CCDC77: variants seen among roughly 807,000 people sequenced by gnomAD.
The protein encoded by CCDC77 is coiled-coil domain-containing protein 77.
In CCDC77, 56 loss-of-function variants were observed where a neutral mutation model predicts 66.8. The observed-to-expected ratio is 0.84, with a 90% CI of 0.68 to 1.05. The LOEUF (loss-of-function observed/expected upper bound fraction) is 1.05, where lower values mean the gene tolerates loss of function less well. Among genes scored for constraint, CCDC77 ranks in the 50% least tolerant of loss-of-function variants. CCDC77 has a pLI of 0.00. For missense variants in CCDC77, 570 were observed against 576.8 expected (o/e 0.99, Z 0.12); for synonymous variants, 196 against 195.2 (o/e 1.00, Z -0.03).
chr12:401,391 C>T (rs1447905732), upstream of CCDC77, among the ~76,000 whole-genome samples: 1 of 152,262 alleles, frequency 6.6e-6, no homozygotes, highest in African/African-American at 2.4e-5. Context: ...AAACGTCACA[C>T]TACCCGTCCC....
In CCDC77 at chr12:411,886, G is replaced by A; in HGVS notation, c.178G>A (p.Glu60Lys). 1 of 1,614,012 alleles carries A rather than the reference G, an allele frequency of 6.2e-7. No individual in the cohort carries two copies. Among genetic ancestry groups the A allele is most frequent in the Non-Finnish European group, 8.5e-7 (1 of 1,180,008 alleles). ...ACTCCATCCTTCTAAGGAGCTCCTG[G>A]AATATTATCAAAAGAAGATGGCTGA... Reference protein sequence around the residue: ...AKLHPSKELLEYYQKKMAECE... With the variant: ...AKLHPSKELLKYYQKKMAECE... The change falls in exon 4 of 13, where the codon GAA becomes AAA. Residue 60 changes from glutamate to lysine, a missense_variant. Glu to Lys is a moderately conservative substitution (Grantham distance 56). Coordinates refer to ENST00000239830, the MANE Select transcript of CCDC77 (RefSeq NM_032358.4).
chr12:434,436 G>A (rs756398558), intron 9 of CCDC77, among the ~76,000 whole-genome samples: 4 of 148,682 alleles, frequency 2.7e-5, no homozygotes, highest in Admixed American at 6.8e-5. Flanking sequence ...CCCTGCAACC[G>A]CTGCCTCCCA....
intron 5 of CCDC77, among the ~76,000 whole-genome samples, chr12:424,155 G>A (rs1024988119): frequency 6.6e-6 from 1 of 151,992 alleles, no homozygotes; most frequent in Non-Finnish European, 1.5e-5. Flanking sequence ...ATTTTTGGTA[G>A]AGTCAGAGTT....
intron 1 of CCDC77, among the ~76,000 whole-genome samples, chr12:402,451 C>G (rs1408411614): frequency 5.9e-5 from 9 of 152,144 alleles, no homozygotes; most frequent in Admixed American, 5.9e-4. Flanking sequence ...CATGTACAGA[C>G]TAGATTTTGT....
chr12:431,747 C>T, intron 7 of CCDC77, 119 bp from the exon 8 acceptor site: 1 of 627,082 alleles, frequency 1.6e-6, no homozygotes, highest in South Asian at 2.1e-5. Flanking sequence ...GTGAGAACCC[C>T]TTCATTACCC....
At chr12:431,623 A>T (rs1330462590) in intron 7 of CCDC77, among the ~76,000 whole-genome samples, 1 of 152,216 alleles carries the variant, frequency 6.6e-6, no homozygotes, top group South Asian at 2.1e-4. Context: ...CTGCCAGAAG[A>T]TGAATATGAT....
intron 6 of CCDC77, 28 bp from the exon 7 acceptor site, chr12:430,636 A>T: frequency 1.3e-6 from 2 of 1,544,934 alleles, no homozygotes; most frequent in Non-Finnish European, 1.8e-6. Flanking sequence ...TAGGAAGGCT[A>T]CTTCAATACC....
At position 441,928 on chromosome 12, in the gene CCDC77, T is replaced by G. The variant is rs777279948; in HGVS notation, c.*8T>G. On this transcript the variant is annotated 3_prime_UTR_variant, in exon 13 of 13. Transcript: ENST00000239830. ...GAACTTAGACTCTGTTAATGTCTAC[T>G]TTTGGAAATGGCCCCCATTTAGAAG... 1.2e-6 allele frequency: 2 copies of G among 1,613,862 alleles called. No homozygotes were observed. Among genetic ancestry groups the G allele is most frequent in the South Asian group, 2.2e-5 (2 of 91,028 alleles).
intron 12 of CCDC77, among the ~76,000 whole-genome samples, chr12:441,519 C>T (rs538065616): frequency 6.6e-6 from 1 of 152,308 alleles, no homozygotes; most frequent in African/African-American, 2.4e-5. Flanking sequence ...ATCCTGGCCT[C>T]TCTTACTCCT....
At chr12:393,012 C>G (rs952779199) in intron 1 of CCDC77, among the ~76,000 whole-genome samples, 1 of 67,260 alleles carries the variant, frequency 1.5e-5, no homozygotes, top group Non-Finnish European at 3.5e-5. Flanking sequence ...ATTATCATAT[C>G]TGTTTCTCCA....
intron 5 of CCDC77, among the ~76,000 whole-genome samples, chr12:419,577 CTGTG>C (rs1327930812): frequency 9.9e-5 from 9 of 90,768 alleles, no homozygotes; most frequent in Non-Finnish European, 1.9e-4. Context: ...CAGTGCTCTT[CTGTG>C]TGTGTGTGCT....
chr12:399,791 A>G (rs1196057218), upstream of CCDC77, among the ~76,000 whole-genome samples: 2 of 152,236 alleles, frequency 1.3e-5, no homozygotes. Context: ...TATATCTAAC[A>G]TAATTCTTAA....
In CCDC77 at chr12:430,662, A is replaced by G. The variant is rs1945632749; in HGVS notation, c.511-2A>G. On this transcript the variant is annotated splice_acceptor_variant, in intron 6 of 12. Transcript: ENST00000239830. LOFTEE classifies it high-confidence loss of function. Reference sequence around the variant, plus strand: ...CTTCAATACCAGTTTTTGCTTCTTCAGGTCACCATTCTCCAAAAGACTATC... The same window carrying G: ...CTTCAATACCAGTTTTTGCTTCTTCGGGTCACCATTCTCCAAAAGACTATC... The G allele has an allele frequency of 1.2e-6, 2 of 1,612,482 alleles. No homozygotes were observed. The highest frequency in any genetic ancestry group is 1.7e-5 in the Admixed American group (1 of 60,004).
At chr12:439,247 C>T (rs958416796) in intron 10 of CCDC77, among the ~76,000 whole-genome samples, 1 of 152,018 alleles carries the variant, frequency 6.6e-6, no homozygotes, top group East Asian at 1.9e-4. Context: ...AGGCCAGACG[C>T]GATGGCTCAC....
chr12:412,652 T>C (rs2137551943), intron 4 of CCDC77, among the ~76,000 whole-genome samples: 1 of 152,334 alleles, frequency 6.6e-6, no homozygotes, highest in Non-Finnish European at 1.5e-5. Context: ...AATGGGTGTA[T>C]GGATGTGCAG....
intron 1 of CCDC77, among the ~76,000 whole-genome samples, chr12:403,232 TAAAG>T (rs939334106): frequency 2.0e-5 from 3 of 152,202 alleles, no homozygotes; most frequent in African/African-American, 7.2e-5. Flanking sequence ...GAGGAAATGA[TAAAG>T]AAACTTGAAG....
intron 5 of CCDC77, among the ~76,000 whole-genome samples, chr12:422,071 GC>G (rs1565571467): frequency 3.7e-4 from 8 of 21,580 alleles, no homozygotes; most frequent in African/African-American, 1.1e-3. Flanking sequence ...CACCCTCCAT[GC>G]TCCATTACAG....
chr12:417,196 C>T (rs1426432972), intron 4 of CCDC77, among the ~76,000 whole-genome samples: 1 of 149,964 alleles, frequency 6.7e-6, no homozygotes, highest in Non-Finnish European at 1.5e-5. Context: ...TGTAGTTTTT[C>T]TTTTTGTAAC....
chr12:430,741 C>T lies in CCDC77; in HGVS notation c.583+5C>T. On this transcript the variant is annotated splice_donor_5th_base_variant and intron_variant, in intron 7 of 12. Transcript: ENST00000239830. ...AATCTTCAGCTTTCAAAGCAGGTAA[C>T]AACCATATAACCTATTAGAAATTCT... 6.2e-7 allele frequency: 1 copy of T among 1,603,370 alleles called. No individual in the cohort carries two copies. The highest frequency in any genetic ancestry group is 1.1e-5 in the South Asian group (1 of 90,844).
Sources: allele counts gnomAD v4.1 joint callset (sites outside exome capture counted in the v4.1 genomes callset), GRCh38; gene constraint gnomAD v4.1.1; transcripts MANE v1.5; gene names NCBI Gene and HGNC (gene_info 2026-07-23, HGNC 2026-07-21).